The following RNF216 variants were observed in gnomAD, a reference collection of about 807,000 sequenced individuals.
The protein encoded by RNF216 is ring finger protein 216, also known as E3 ubiquitin-protein ligase RNF216.
Under a neutral mutation model 110.8 loss-of-function variants are expected in RNF216, and 72 were observed. That is an observed-to-expected ratio of 0.65 (90% confidence interval 0.54 to 0.79). RNF216 has a LOEUF of 0.79. Ranked by LOEUF, RNF216 falls within the 30% of genes least tolerant of loss-of-function variation. The pLI is 0.00. For missense variants in RNF216, 1,342 were observed against 1,141.2 expected, an observed-to-expected ratio of 1.18 and a Z score of -2.54; for synonymous variants, 495 against 407.5, an observed-to-expected ratio of 1.21 and a Z score of -2.59.
chr7:5,739,062 G>T (rs1193715568), intron 5 of RNF216, among the ~76,000 whole-genome samples: 1 of 152,164 alleles, frequency 6.6e-6, no homozygotes, highest in African/African-American at 2.4e-5. Flanking sequence ...GCTTGGGAAG[G>T]GGATGGGGAG....
chr7:5,731,698 T>C (rs1037212241), intron 5 of RNF216, among the ~76,000 whole-genome samples: 1 of 151,084 alleles, frequency 6.6e-6, no homozygotes, highest in African/African-American at 2.5e-5. Flanking sequence ...CTGTTCTTTC[T>C]CTTGCTCCAG....
intron 7 of RNF216, among the ~76,000 whole-genome samples, chr7:5,728,756 T>C (rs1366853595): frequency 6.6e-6 from 1 of 152,210 alleles, no homozygotes; most frequent in African/African-American, 2.4e-5. Context: ...CTGTGTTTGC[T>C]GAGAATCACA....
chr7:5,633,520 A>G (rs530692620), intron 15 of RNF216, among the ~76,000 whole-genome samples: 1 of 152,236 alleles, frequency 6.6e-6, no homozygotes, highest in African/African-American at 2.4e-5. Context: ...GGCTGCAGTG[A>G]GCCGAGATCA....
chr7:5,625,737 C>G (rs1022423462), intron 15 of RNF216, among the ~76,000 whole-genome samples: 2 of 152,232 alleles, frequency 1.3e-5, no homozygotes, highest in Non-Finnish European at 2.9e-5. Context: ...AACAATGAAA[C>G]AGAAAGGCAG....
intron 15 of RNF216, among the ~76,000 whole-genome samples, chr7:5,635,414 A>G (rs558619284): frequency 6.6e-6 from 1 of 152,228 alleles, no homozygotes; most frequent in Admixed American, 6.5e-5. Flanking sequence ...CTTTTGTAGA[A>G]TAAATTTTTA....
intron 13 of RNF216, among the ~76,000 whole-genome samples, chr7:5,687,407 A>AAG (rs1791059495): frequency 6.6e-6 from 1 of 151,482 alleles, no homozygotes; most frequent in African/African-American, 2.4e-5. Flanking sequence ...AAAAAAAAAA[A>AAG]AAAAAAAGAA....
In RNF216 at chr7:5,741,283, A is replaced by C. The variant is rs1794741181; in HGVS notation, c.734T>G (p.Ile245Arg). The C allele has an allele frequency of 1.2e-6, 2 of 1,614,050 alleles. No individual in the cohort carries two copies. The highest frequency in any genetic ancestry group is 1.7e-6 in the Non-Finnish European group (2 of 1,179,956). Reference sequence around the variant, plus strand: ...TTCCTGAGGAACGACCTGGTTTGTTATTTCACGGGGCTGTTGGTTCAGAGA... The same window carrying C: ...TTCCTGAGGAACGACCTGGTTTGTTCTTTCACGGGGCTGTTGGTTCAGAGA... ...FQSLNQQPRE[I>R]TNQVVPQERQ... Residue 245 changes from isoleucine to arginine, a missense_variant, in exon 4 of 17, where the codon ATA (isoleucine) becomes AGA (arginine). Physicochemically the swap from Ile to Arg is moderately conservative, Grantham distance 97. Transcript: ENST00000389902.
At chr7:5,768,945 G>C (rs113969396) in intron 1 of RNF216, among the ~76,000 whole-genome samples, 10,288 of 152,098 alleles carry the variant, frequency 0.068, 444 homozygotes, top group African/African-American at 0.12. Context: ...ACAGGCATGA[G>C]CCACTGTGCC....
intron 13 of RNF216, among the ~76,000 whole-genome samples, chr7:5,664,142 T>C (rs989216474): frequency 1.3e-5 from 2 of 152,206 alleles, no homozygotes; most frequent in African/African-American, 4.8e-5. Flanking sequence ...ATCTTCTCCA[T>C]GCAGAGAGTT....
At position 5,661,028 on chromosome 7, in the gene RNF216, G is replaced by A. The variant is rs1352246220; in HGVS notation, c.2062-8518C>T. ...TAAATTCCGACTCACTGCAACCTCCGCCTCCAGGGTTCAAGATTCTCATGC... is the reference window on the plus strand; with the variant it reads ...TAAATTCCGACTCACTGCAACCTCCACCTCCAGGGTTCAAGATTCTCATGC... On this transcript the variant is annotated intron_variant, in intron 13 of 16. Coordinates refer to ENST00000389902, the MANE Select transcript of RNF216 (RefSeq NM_207111.4). 4.8e-5 allele frequency among the ~76,000 whole-genome samples: 6 copies of A among 123,746 alleles called. No individual in the cohort carries two copies. In the Admixed American group the frequency reaches 5.2e-4, roughly 11 times the overall value. The allele number at this position is 123,746 out of a possible 152,430, so 81.2% of individuals were successfully genotyped here.
At chr7:5,625,998 T>C (rs1275008806) in intron 15 of RNF216, among the ~76,000 whole-genome samples, 1 of 152,260 alleles carries the variant, frequency 6.6e-6, no homozygotes, top group East Asian at 1.9e-4. Flanking sequence ...GCCTCCTTGC[T>C]GCTGCCTGGC....
intron 13 of RNF216, among the ~76,000 whole-genome samples, chr7:5,654,976 C>CTGA (rs1788642172): frequency 6.6e-6 from 1 of 152,212 alleles, no homozygotes. Context: ...AATAGATGAG[C>CTGA]TGATGTTTGG....
intron 10 of RNF216, among the ~76,000 whole-genome samples, chr7:5,716,167 C>T (rs1284514951): frequency 1.3e-5 from 2 of 152,136 alleles, no homozygotes; most frequent in African/African-American, 4.8e-5. Flanking sequence ...GCTGGAATTA[C>T]AGGCACGAGC....
intron 13 of RNF216, among the ~76,000 whole-genome samples, chr7:5,699,794 C>T (rs867721451): frequency 2.6e-5 from 4 of 152,220 alleles, no homozygotes; most frequent in East Asian, 1.9e-4. Flanking sequence ...CAGATACAGA[C>T]GCACATTTTC....
At chr7:5,673,350 G>A (rs2128597689) in intron 13 of RNF216, among the ~76,000 whole-genome samples, 1 of 152,322 alleles carries the variant, frequency 6.6e-6, no homozygotes, top group East Asian at 1.9e-4. Flanking sequence ...AGAATGGAGT[G>A]GGCTGGAGAT....
intron 1 of RNF216, among the ~76,000 whole-genome samples, chr7:5,780,827 G>C (rs1370835063): frequency 6.6e-6 from 1 of 152,230 alleles, no homozygotes; most frequent in Non-Finnish European, 1.5e-5. Flanking sequence ...GGATTTGTCA[G>C]AAATTTCTGT....
intron 8 of RNF216, among the ~76,000 whole-genome samples, chr7:5,721,985 C>A (rs1390402255): frequency 1.3e-5 from 2 of 152,250 alleles, no homozygotes; most frequent in Admixed American, 6.5e-5. Context: ...TGCAGTGGCA[C>A]ATTCACAGAT....
At chr7:5,722,678 C>T (rs1213674201) in intron 8 of RNF216, among the ~76,000 whole-genome samples, 1 of 151,970 alleles carries the variant, frequency 6.6e-6, no homozygotes, top group Non-Finnish European at 1.5e-5. Flanking sequence ...GCATGAGCCA[C>T]CGCGCCCAGC....
chr7:5,647,365 G>C (rs1788118159), intron 14 of RNF216, among the ~76,000 whole-genome samples: 1 of 115,644 alleles, frequency 8.6e-6, no homozygotes, highest in African/African-American at 3.2e-5. Flanking sequence ...ATAGGGTCTT[G>C]CTCTGTTGTT....
Sources: gnomAD v4.1 joint callset for allele counts (sites outside exome capture counted in the v4.1 genomes callset) on GRCh38, gnomAD v4.1.1 for gene constraint, MANE v1.5 for transcripts, NCBI Gene and HGNC (gene_info 2026-07-23, HGNC 2026-07-21) for gene names.